The following CTNNA3 variants were observed in gnomAD, a reference collection of about 807,000 sequenced individuals.
CTNNA3 encodes the protein catenin alpha-3.
CTNNA3 carries 76 observed loss-of-function variants against 95.7 expected under a neutral mutation model. That is an observed-to-expected ratio of 0.79 (90% CI 0.66 to 0.96). The LOEUF (loss-of-function observed/expected upper bound fraction) is 0.96. Among genes scored for constraint, CTNNA3 ranks in the 40% least tolerant of loss-of-function variants. The pLI is 0.00. For missense variants in CTNNA3, 1,191 were observed against 1,089.8 expected, an observed-to-expected ratio of 1.09 and a Z score of -1.31; for synonymous variants, 431 against 374.4, an observed-to-expected ratio of 1.15 and a Z score of -1.74.
chr10:66,005,020 G>C (rs2078851884), intron 15 of CTNNA3, among the ~76,000 whole-genome samples: 1 of 152,166 alleles, frequency 6.6e-6, no homozygotes, highest in Admixed American at 6.5e-5. Context: ...GGCTCTGAGA[G>C]GAGAATCCAT....
chr10:67,577,904 T>G (rs1167692162), intron 3 of CTNNA3, among the ~76,000 whole-genome samples: 6 of 149,452 alleles, frequency 4.0e-5, no homozygotes, highest in Non-Finnish European at 7.4e-5. Context: ...AGTTCTATTT[T>G]TAGTCCTTTG....
chr10:67,706,226 T>C (rs956636928), intron 1 of CTNNA3, among the ~76,000 whole-genome samples: 7 of 152,058 alleles, frequency 4.6e-5, no homozygotes, highest in African/African-American at 1.7e-4. Flanking sequence ...ATTAACTGTC[T>C]GTCATCTCTC....
chr10:66,967,821 T>C (rs1056362456), intron 7 of CTNNA3, among the ~76,000 whole-genome samples: 3 of 152,142 alleles, frequency 2.0e-5, no homozygotes, highest in Non-Finnish European at 1.5e-5. Context: ...AGAAAGAATA[T>C]ATCCCCTCGA....
chr10:66,343,810 C>T lies in CTNNA3; in HGVS notation c.1732+35342G>A, dbSNP rs187205268. Among the ~76,000 whole-genome samples the T allele has an allele frequency of 2.6e-3, 395 of 152,022 alleles. 2 individuals are homozygous for T. The highest frequency in any genetic ancestry group is 9.2e-3 in the African/African-American group (383 of 41,484). ...GTGCATTACTATACATTATATGTAT[C>T]GAATCATCACTATGTACTCATAAGT... On this transcript the variant is annotated intron_variant, in intron 12 of 17. Transcript: ENST00000433211.
intron 13 of CTNNA3, among the ~76,000 whole-genome samples, chr10:66,154,644 A>G (rs1263731517): frequency 6.8e-6 from 1 of 146,888 alleles, no homozygotes; most frequent in Admixed American, 7.0e-5. Flanking sequence ...AAGTGATAGT[A>G]TATTTCGTTT....
chr10:66,952,033 G>A (rs1013056306), intron 7 of CTNNA3, among the ~76,000 whole-genome samples: 2 of 152,120 alleles, frequency 1.3e-5, no homozygotes, highest in Non-Finnish European at 1.5e-5. Context: ...TTCCAGATCC[G>A]TGACATTCAG....
chr10:66,039,220 G>A (rs1022233393), intron 15 of CTNNA3, among the ~76,000 whole-genome samples: 8 of 152,092 alleles, frequency 5.3e-5, no homozygotes, highest in South Asian at 4.1e-4. Context: ...GGAGAACTAC[G>A]AAATGCTGCT....
intron 7 of CTNNA3, among the ~76,000 whole-genome samples, chr10:66,844,287 T>G (rs7098228): frequency 0.7 from 106,051 of 152,068 alleles, 38,178 homozygotes; most frequent in African/African-American, 0.84. Flanking sequence ...ACAGGGTATG[T>G]TCTATTCCTT....
chr10:66,815,496 C>A (rs996882986), intron 7 of CTNNA3, among the ~76,000 whole-genome samples: 6 of 152,046 alleles, frequency 3.9e-5, no homozygotes, highest in African/African-American at 1.2e-4. Context: ...GAAGACTTAT[C>A]TTTCATATTC....
intron 1 of CTNNA3, among the ~76,000 whole-genome samples, chr10:67,736,851 C>T (rs569628424): frequency 1.3e-5 from 2 of 152,266 alleles, no homozygotes; most frequent in African/African-American, 2.4e-5. Context: ...CTACAGAATA[C>T]ACATTCTTTT....
chr10:67,600,936 C>CT (rs765535743), intron 3 of CTNNA3, among the ~76,000 whole-genome samples: 1 of 152,182 alleles, frequency 6.6e-6, no homozygotes, highest in Non-Finnish European at 1.5e-5. Flanking sequence ...ATACAACATA[C>CT]TGTATAGTCT....
At chr10:66,270,179 A>C (rs542102654) in intron 13 of CTNNA3, among the ~76,000 whole-genome samples, 1 of 145,328 alleles carries the variant, frequency 6.9e-6, no homozygotes, top group South Asian at 2.2e-4. Context: ...CAATTTGGAA[A>C]CCAAATCAAC....
At chr10:67,424,851 CTCAA>C (rs1845862719) in intron 5 of CTNNA3, among the ~76,000 whole-genome samples, 1 of 152,082 alleles carries the variant, frequency 6.6e-6, no homozygotes, top group African/African-American at 2.4e-5. Context: ...ATAGTTGGTG[CTCAA>C]TCAATGTTTG....
At chr10:67,587,227 G>C (rs4116034) in intron 3 of CTNNA3, among the ~76,000 whole-genome samples, 14,734 of 150,694 alleles carry the variant, frequency 0.098, 1,444 homozygotes, top group African/African-American at 0.25. Flanking sequence ...GTGTGTGTGT[G>C]TGTGTGTGTG....
At chr10:66,975,919 A>C (rs1280648323) in intron 7 of CTNNA3, among the ~76,000 whole-genome samples, 3 of 152,222 alleles carry the variant, frequency 2.0e-5, no homozygotes, top group Non-Finnish European at 4.4e-5. Flanking sequence ...AAATATATAA[A>C]AGTCATTTAT....
chr10:66,414,716 CA>C (rs2093132929), intron 11 of CTNNA3, among the ~76,000 whole-genome samples: 3 of 152,100 alleles, frequency 2.0e-5, no homozygotes, highest in Non-Finnish European at 4.4e-5. Flanking sequence ...GCAAGAGAAG[CA>C]TTAGGCTGCT....
At chr10:67,012,128 T>C (rs1356067306) in intron 7 of CTNNA3, among the ~76,000 whole-genome samples, 2 of 152,218 alleles carry the variant, frequency 1.3e-5, no homozygotes, top group Non-Finnish European at 2.9e-5. Context: ...GTCTACATTC[T>C]TATCCACTGT....
In CTNNA3 at chr10:65,913,374, C is replaced by A. The variant is rs2133085388; in HGVS notation, c.*6956G>T. 1 of 152,192 alleles carries A rather than the reference C, an allele frequency of 6.6e-6. No individual in the cohort carries two copies. Among genetic ancestry groups the A allele is most frequent in the South Asian group, 2.1e-4 (1 of 4,820 alleles). The allele number at this position is 152,192 out of a possible 1,614,324, so 9.4% of individuals were successfully genotyped here. Reference sequence around the variant, plus strand: ...CTCAATTATTAGGTACTAAATTGGGCATAAAATATGTCTACTTCTGTTTTC... The same window carrying A: ...CTCAATTATTAGGTACTAAATTGGGAATAAAATATGTCTACTTCTGTTTTC... On this transcript the variant is annotated 3_prime_UTR_variant, in exon 18 of 18. Transcript: ENST00000433211.
chr10:66,720,464 T>G lies in CTNNA3; in HGVS notation c.1281+45800A>C, dbSNP rs554358527. Among the ~76,000 whole-genome samples, 12 of 152,270 alleles carry G rather than the reference T, an allele frequency of 7.9e-5. No individual in the cohort carries two copies. The South Asian group carries it at 2.5e-3, about 32-fold the overall frequency. On this transcript the variant is annotated intron_variant, in intron 9 of 17. Transcript: ENST00000433211. The stretch of plus-strand genomic sequence containing the variant: ...GCTGGTCCTGGACAAAACCGCCTTC[T>G]CCAGAATGGGATTTAGAGGAAGACC...
Sources: gnomAD v4.1 joint callset for allele counts (sites outside exome capture counted in the v4.1 genomes callset) on GRCh38, gnomAD v4.1.1 for gene constraint, MANE v1.5 for transcripts, NCBI Gene and HGNC (gene_info 2026-07-23, HGNC 2026-07-21) for gene names.